FRMD3: variants seen among roughly 807,000 people sequenced by gnomAD.
The protein encoded by FRMD3 is FERM domain-containing protein 3.
A neutral mutation model predicts 70.2 loss-of-function variants in FRMD3; 33 were observed. The ratio of observed to expected loss-of-function variants is 0.47; its 90% CI spans 0.36 to 0.63. FRMD3 has a LOEUF of 0.63. Ranked by LOEUF, FRMD3 falls within the 20% of genes least tolerant of loss-of-function variation. The pLI, the probability that FRMD3 is intolerant of heterozygous loss-of-function variation, is 0.00. For synonymous variants in FRMD3, 279 were observed against 255.9 expected, an observed-to-expected ratio of 1.09 and a Z score of -0.86; for missense variants, 632 against 711.4, an observed-to-expected ratio of 0.89 and a Z score of 1.27.
chr9:83,419,538 G>C lies in FRMD3; in HGVS notation c.148-29830C>G, dbSNP rs541152452. Among the ~76,000 whole-genome samples the C allele has an allele frequency of 3.5e-5, 5 of 143,602 alleles. No homozygotes were observed. In the East Asian group the frequency reaches 9.9e-4, roughly 28 times the overall value. The allele number at this position is 143,602 out of a possible 152,430, so 94.2% of individuals were successfully genotyped here. ...TGTGTGATATGTGTTCATGTGTGCT[G>C]AGTGTGTGATATGTGTGTGTTCACG... On this transcript the variant is annotated intron_variant, in intron 1 of 13. Coordinates refer to ENST00000304195, the MANE Select transcript of FRMD3 (RefSeq NM_174938.6).
Position 83,247,697 on chromosome 9 carries a change from A to T in FRMD3, c.*221T>A. 7.4e-7 allele frequency: 1 copy of T among 1,351,424 alleles called. No homozygotes were observed. Among genetic ancestry groups the T allele is most frequent in the Non-Finnish European group, 9.6e-7 (1 of 1,041,266 alleles). The allele number at this position is 1,351,424 out of a possible 1,614,324, so 83.7% of individuals were successfully genotyped here. A position where few individuals can be genotyped will look rare whatever the true frequency, so the allele number is the denominator to read the frequency against. On this transcript the variant is annotated 3_prime_UTR_variant, in exon 14 of 14. Transcript: ENST00000304195. Reference sequence around the variant, plus strand: ...ATAAAAAATAAACATATTTTTGGTTATTTAAAGACCATCTTCCTAACCTGT... The same window carrying T: ...ATAAAAAATAAACATATTTTTGGTTTTTTAAAGACCATCTTCCTAACCTGT...
chr9:83,380,105 C>G (rs1343521284), intron 2 of FRMD3, among the ~76,000 whole-genome samples: 1 of 152,188 alleles, frequency 6.6e-6, no homozygotes, highest in Non-Finnish European at 1.5e-5. Context: ...AAGCTGTCTT[C>G]CATGGTGTTT....
chr9:83,366,931 G>T (rs1824807185), intron 3 of FRMD3, among the ~76,000 whole-genome samples: 1 of 152,066 alleles, frequency 6.6e-6, no homozygotes, highest in African/African-American at 2.4e-5. Flanking sequence ...TATTCAGGAG[G>T]CTGAGGCACA....
intron 1 of FRMD3, among the ~76,000 whole-genome samples, chr9:83,402,605 A>C (rs1189241976): frequency 6.6e-6 from 1 of 152,144 alleles, no homozygotes; most frequent in Non-Finnish European, 1.5e-5. Context: ...AAACTAAAAA[A>C]GGGCAGAGAA....
intron 1 of FRMD3, among the ~76,000 whole-genome samples, chr9:83,497,232 C>T (rs1828963183): frequency 6.6e-6 from 1 of 152,124 alleles, no homozygotes; most frequent in African/African-American, 2.4e-5. Flanking sequence ...AAGATGTGAA[C>T]TAAAAATTGT....
chr9:83,550,673 C>T, the FRMD3 span, among the ~76,000 whole-genome samples: 2 of 144,690 alleles, frequency 1.4e-5, no homozygotes, highest in Admixed American at 7.1e-5. Context: ...CCCTAGTTAG[C>T]TGTAGTCCTA....
chr9:83,585,629 C>T, the FRMD3 span, among the ~76,000 whole-genome samples: 4 of 152,126 alleles, frequency 2.6e-5, no homozygotes, highest in Non-Finnish European at 2.9e-5. Flanking sequence ...GGCCAAGAAA[C>T]GCTATGTAGA....
chr9:83,391,792 A>G (rs1825672825), intron 1 of FRMD3, among the ~76,000 whole-genome samples: 2 of 152,332 alleles, frequency 1.3e-5, no homozygotes, highest in South Asian at 4.1e-4. Flanking sequence ...GGTCAGGCCA[A>G]TTCCCATGGT....
At chr9:83,566,841 C>T in the FRMD3 span, among the ~76,000 whole-genome samples, 1 of 152,232 alleles carries the variant, frequency 6.6e-6, no homozygotes, top group Non-Finnish European at 1.5e-5. Flanking sequence ...CAGCCTCCCA[C>T]CCGGCTGCTC....
intron 1 of FRMD3, among the ~76,000 whole-genome samples, chr9:83,496,149 C>T (rs1343311284): frequency 1.3e-5 from 2 of 152,066 alleles, no homozygotes; most frequent in Admixed American, 1.3e-4. Context: ...TTATAAGTGA[C>T]ACACAAATTT....
At chr9:83,407,866 T>A (rs937889987) in intron 1 of FRMD3, among the ~76,000 whole-genome samples, 13 of 125,384 alleles carry the variant, frequency 1.0e-4, no homozygotes, top group Admixed American at 5.2e-4. Context: ...TCTCTCTCTC[T>A]CTCTCTCATC....
chr9:83,335,733 G>A, intron 5 of FRMD3, 94 bp from the exon 6 acceptor site: 3 of 1,111,642 alleles, frequency 2.7e-6, no homozygotes, highest in Non-Finnish European at 3.8e-6. Context: ...TCCAAAAGAA[G>A]AGGCTGGAAT....
At chr9:83,442,742 A>C (rs927115937) in intron 1 of FRMD3, among the ~76,000 whole-genome samples, 8 of 152,036 alleles carry the variant, frequency 5.3e-5, no homozygotes, top group African/African-American at 1.9e-4. Context: ...AAACAGCAGC[A>C]CAGTCCCTCA....
chr9:83,554,768 A>AGCTCT, the FRMD3 span, among the ~76,000 whole-genome samples: 1 of 152,104 alleles, frequency 6.6e-6, no homozygotes, highest in African/African-American at 2.4e-5. Context: ...CTGGCTTGGT[A>AGCTCT]GCTCTGGTGG....
rs115145858 is a variant in FRMD3, at chr9:83,384,333, G to A, written c.252+5271C>T. Among the ~76,000 whole-genome samples, 485 of 152,230 alleles carry A rather than the reference G, an allele frequency of 3.2e-3. 2 individuals carry two copies. Among genetic ancestry groups the A allele is most frequent in the Non-Finnish European group, 4.4e-3 (299 of 68,012 alleles). On this transcript the variant is annotated intron_variant, in intron 2 of 13. Coordinates refer to ENST00000304195, the MANE Select transcript of FRMD3 (RefSeq NM_174938.6). ...TGAGCAGCTGTGAAGTAATTATCCC[G>A]AGAAGCAGGAAGCAGCCTCTCAATG... is the stretch of plus-strand genomic sequence containing the variant.
chr9:83,273,504 A>C lies in FRMD3; in HGVS notation c.1195+17099T>G, dbSNP rs368501844. Among the ~76,000 whole-genome samples the C allele has an allele frequency of 3.7e-4, 56 of 151,660 alleles. 2 individuals carry two copies. In the East Asian group the frequency reaches 4.5e-3, roughly 12 times the overall value. On this transcript the variant is annotated intron_variant, in intron 13 of 13. Coordinates refer to ENST00000304195, the MANE Select transcript of FRMD3 (RefSeq NM_174938.6). The stretch of plus-strand genomic sequence containing the variant: ...GGACACAAACACTGCGGAAGGCCGC[A>C]GGGTCCTCTGCCTAGGAAAACCAGA...
intron 12 of FRMD3, among the ~76,000 whole-genome samples, chr9:83,294,543 CTTCTT>C (rs1189064650): frequency 6.6e-6 from 1 of 152,180 alleles, no homozygotes; most frequent in Non-Finnish European, 1.5e-5. Flanking sequence ...GAATGGCTAT[CTTCTT>C]TTCATTTGCA....
chr9:83,383,770 A>C (rs531524706), intron 2 of FRMD3, among the ~76,000 whole-genome samples: 3 of 152,370 alleles, frequency 2.0e-5, no homozygotes, highest in Non-Finnish European at 4.4e-5. Flanking sequence ...CTTCTGGCTC[A>C]AATGAGATAA....
rs200637958 is a variant in FRMD3, at chr9:83,435,757, TG to T, written c.148-46050del. Among the ~76,000 whole-genome samples, 1,041 of 152,350 alleles carry T rather than the reference TG, an allele frequency of 6.8e-3. 14 individuals carry two copies. The highest frequency in any genetic ancestry group is 0.023 in the African/African-American group (955 of 41,576). ...AGAATGACTTTGTTTAAAATTGAGA[TG>T]TTTTTAGGGGCTTGTTTCAAATGGA... is the stretch of plus-strand genomic sequence containing the variant. On this transcript the variant is annotated intron_variant, in intron 1 of 13. Coordinates refer to ENST00000304195, the MANE Select transcript of FRMD3 (RefSeq NM_174938.6).
Sources: gnomAD v4.1 joint callset for allele counts (sites outside exome capture counted in the v4.1 genomes callset) on GRCh38, gnomAD v4.1.1 for gene constraint, MANE v1.5 for transcripts, NCBI Gene and HGNC (gene_info 2026-07-23, HGNC 2026-07-21) for gene names.